Variants in ATG10 observed in about 807,000 individuals in gnomAD.
The protein encoded by ATG10 is ubiquitin-like-conjugating enzyme ATG10.
Under a neutral mutation model 32.1 loss-of-function variants are expected in ATG10, and 30 were observed. That is an observed-to-expected ratio of 0.94 (90% CI 0.70 to 1.27). The LOEUF (loss-of-function observed/expected upper bound fraction) is 1.27, where lower values mean the gene tolerates loss of function less well. Ranked by LOEUF, ATG10 falls within the 50% of genes most tolerant of loss-of-function variation. ATG10 has a pLI of 0.00. For synonymous variants in ATG10, 87 were observed against 91.5 expected (o/e 0.95, Z 0.28); for missense variants, 233 against 262.3 (o/e 0.89, Z 0.77).
chr5:82,064,532 T>A (rs1763880794), intron 3 of ATG10, among the ~76,000 whole-genome samples: 1 of 152,114 alleles, frequency 6.6e-6, no homozygotes, highest in Non-Finnish European at 1.5e-5. Context: ...ATTTTTTTTA[T>A]CAATGACTTT....
chr5:81,979,046 C>G (rs528460299), intron 1 of ATG10, among the ~76,000 whole-genome samples: 1 of 151,970 alleles, frequency 6.6e-6, no homozygotes, highest in Non-Finnish European at 1.5e-5. Context: ...ACTACAGGTG[C>G]ACATCACTGC....
At chr5:82,118,402 A>ATATATATATATATATATATG (rs1309574936) in intron 3 of ATG10, among the ~76,000 whole-genome samples, 4 of 136,378 alleles carry the variant, frequency 2.9e-5, no homozygotes, top group African/African-American at 5.6e-5. Context: ...ATATATATAT[A>ATATATATATATATATATATG]TATGTATGTA....
chr5:82,153,564 G>T (rs1421719854), intron 3 of ATG10, among the ~76,000 whole-genome samples: 2 of 152,158 alleles, frequency 1.3e-5, no homozygotes, highest in Admixed American at 6.5e-5. Context: ...ATCTGGGTGG[G>T]TGTTGTGATC....
At chr5:82,177,078 A>T (rs1431028545) in intron 4 of ATG10, among the ~76,000 whole-genome samples, 2 of 152,142 alleles carry the variant, frequency 1.3e-5, no homozygotes, top group Non-Finnish European at 2.9e-5. Flanking sequence ...TAGGTTTGAG[A>T]ATTACTGGAA....
intron 3 of ATG10, among the ~76,000 whole-genome samples, chr5:82,145,015 CCT>C (rs1306957739): frequency 1.3e-5 from 2 of 151,728 alleles, no homozygotes; most frequent in Non-Finnish European, 2.9e-5. Context: ...GAAAAAATTG[CCT>C]CTTTTATCAT....
chr5:82,118,387 C>CATATATATATATATATATATAT (rs71605823), intron 3 of ATG10, among the ~76,000 whole-genome samples: 2,662 of 80,218 alleles, frequency 0.033, 182 homozygotes, highest in African/African-American at 0.066. Context: ...AATATATGTA[C>CATATATATATATATATATATAT]ATATATATAT....
intron 2 of ATG10, among the ~76,000 whole-genome samples, chr5:82,040,943 C>T (rs1019344515): frequency 6.6e-6 from 1 of 152,192 alleles, no homozygotes; most frequent in Admixed American, 6.5e-5. Context: ...GAATTCCTTT[C>T]TCTTAGATCG....
intron 2 of ATG10, among the ~76,000 whole-genome samples, chr5:82,031,479 A>G (rs949398561): frequency 6.6e-6 from 1 of 152,220 alleles, no homozygotes; most frequent in African/African-American, 2.4e-5. Flanking sequence ...AAAAAAACAC[A>G]GTGGGAATTA....
chr5:82,072,606 T>G (rs1362769812), intron 3 of ATG10, among the ~76,000 whole-genome samples: 1 of 152,116 alleles, frequency 6.6e-6, no homozygotes, highest in African/African-American at 2.4e-5. Flanking sequence ...TATGAAATAA[T>G]GAAGAAAAAA....
chr5:82,194,427 T>C (rs1358062899), intron 5 of ATG10, among the ~76,000 whole-genome samples: 2 of 152,226 alleles, frequency 1.3e-5, no homozygotes, highest in African/African-American at 4.8e-5. Flanking sequence ...TGACACTGAC[T>C]TGGGTTTGGA....
chr5:82,110,537 T>G (rs1024673828), intron 3 of ATG10, among the ~76,000 whole-genome samples: 3 of 152,226 alleles, frequency 2.0e-5, no homozygotes, highest in African/African-American at 7.2e-5. Context: ...GATTTGCATT[T>G]CTCTGATGAC....
At chr5:82,227,485 C>T (rs989915758) in intron 5 of ATG10, among the ~76,000 whole-genome samples, 1 of 152,088 alleles carries the variant, frequency 6.6e-6, no homozygotes, top group Non-Finnish European at 1.5e-5. Context: ...AGCGATTCTC[C>T]TGCCTCAGCC....
chr5:82,004,332 G>T (rs993867231), intron 2 of ATG10, among the ~76,000 whole-genome samples: 2 of 152,122 alleles, frequency 1.3e-5, no homozygotes, highest in Non-Finnish European at 2.9e-5. Flanking sequence ...AACCAGATAT[G>T]ATACACTTTC....
At chr5:82,206,131 G>T (rs866839359) in intron 5 of ATG10, among the ~76,000 whole-genome samples, 1 of 152,146 alleles carries the variant, frequency 6.6e-6, no homozygotes, top group African/African-American at 2.4e-5. Context: ...CTATTGGAGT[G>T]CTATGCTGAC....
intron 2 of ATG10, among the ~76,000 whole-genome samples, chr5:82,028,042 A>T (rs1243225552): frequency 1.3e-5 from 2 of 152,246 alleles, no homozygotes; most frequent in Admixed American, 1.3e-4. Context: ...AGGTCACACC[A>T]TTAAAAGCTA....
chr5:82,199,600 C>G (rs1744987696), intron 5 of ATG10, among the ~76,000 whole-genome samples: 1 of 152,170 alleles, frequency 6.6e-6, no homozygotes. Context: ...AAATCTTTCT[C>G]TACCTTTTAA....
chr5:81,992,902 GC>G (rs1359158909), intron 2 of ATG10, among the ~76,000 whole-genome samples: 1 of 149,494 alleles, frequency 6.7e-6, no homozygotes, highest in Non-Finnish European at 1.5e-5. Flanking sequence ...TATATCTGGA[GC>G]TATACAGAAT....
chr5:82,067,782 C>G (rs1763986089), intron 3 of ATG10, among the ~76,000 whole-genome samples: 1 of 152,096 alleles, frequency 6.6e-6, no homozygotes, highest in Non-Finnish European at 1.5e-5. Context: ...ATGTATTAAG[C>G]TAGTAGAAAA....
chr5:82,013,302 G>C (rs1762179549), intron 2 of ATG10, among the ~76,000 whole-genome samples: 2 of 152,242 alleles, frequency 1.3e-5, no homozygotes, highest in Middle Eastern at 3.4e-3. Context: ...TCCCACTTGT[G>C]AGTGAGAACA....
Sources: allele counts gnomAD v4.1 joint callset (sites outside exome capture counted in the v4.1 genomes callset), GRCh38; gene constraint gnomAD v4.1.1; transcripts MANE v1.5; gene names NCBI Gene and HGNC (gene_info 2026-07-23, HGNC 2026-07-21).